Variants in ENOX1 observed in about 807,000 individuals in gnomAD.
ENOX1 encodes the protein candidate growth-related and time keeping constitutive hydroquinone (NADH) oxidase.
Under a neutral mutation model 82.5 loss-of-function variants are expected in ENOX1, and 42 were observed. The observed-to-expected ratio is 0.51, with a 90% CI of 0.40 to 0.66. The LOEUF (loss-of-function observed/expected upper bound fraction) is 0.66. ENOX1 is among the 30% of genes least tolerant of loss of function. The pLI is 0.00. For missense variants in ENOX1, 608 were observed against 811.6 expected, an observed-to-expected ratio of 0.75 and a Z score of 3.05; for synonymous variants, 271 against 282.2, an observed-to-expected ratio of 0.96 and a Z score of 0.40.
intron 3 of ENOX1, among the ~76,000 whole-genome samples, chr13:43,437,220 C>T (rs2056083955): frequency 6.6e-6 from 1 of 152,124 alleles, no homozygotes; most frequent in Non-Finnish European, 1.5e-5. Context: ...TGTGAATCCA[C>T]CCCTGCAAGC....
intron 3 of ENOX1, among the ~76,000 whole-genome samples, chr13:43,470,892 A>G (rs1319158538): frequency 1.3e-5 from 2 of 152,178 alleles, no homozygotes; most frequent in Non-Finnish European, 2.9e-5. Flanking sequence ...GAGGATGTAG[A>G]ACACTAAAAC....
intron 1 of ENOX1, among the ~76,000 whole-genome samples, chr13:43,676,662 T>G (rs1211317515): frequency 1.3e-5 from 2 of 152,104 alleles, no homozygotes; most frequent in East Asian, 3.9e-4. Flanking sequence ...ACAGTCCCAC[T>G]AAGGAACAAC....
chr13:43,428,151 A>G (rs2055435561), intron 3 of ENOX1, among the ~76,000 whole-genome samples: 2 of 152,230 alleles, frequency 1.3e-5, no homozygotes, highest in Admixed American at 1.3e-4. Context: ...AAGTGAAAGA[A>G]TCTGGGCAAA....
chr13:43,604,949 G>C (rs1439112186), intron 2 of ENOX1, among the ~76,000 whole-genome samples: 4 of 152,156 alleles, frequency 2.6e-5, no homozygotes, highest in Admixed American at 1.3e-4. Context: ...ATGATCAGTA[G>C]TGTTTCTATA....
chr13:43,535,334 C>A (rs951878610), intron 2 of ENOX1, among the ~76,000 whole-genome samples: 2 of 152,156 alleles, frequency 1.3e-5, no homozygotes, highest in Admixed American at 6.6e-5. Context: ...CACAGAAACA[C>A]CTAGCTGAGC....
chr13:43,256,615 A>G (rs896844949), intron 14 of ENOX1, among the ~76,000 whole-genome samples: 1 of 152,230 alleles, frequency 6.6e-6, no homozygotes, highest in East Asian at 1.9e-4. Flanking sequence ...GTGAGATGTC[A>G]TCTCACCTCA....
chr13:43,566,403 T>C (rs1029586682), intron 2 of ENOX1, among the ~76,000 whole-genome samples: 2 of 152,072 alleles, frequency 1.3e-5, no homozygotes, highest in Non-Finnish European at 2.9e-5. Flanking sequence ...CATCAATGCA[T>C]AGATCAATGA....
At chr13:43,656,175 T>C (rs566740510) in intron 2 of ENOX1, among the ~76,000 whole-genome samples, 3 of 152,344 alleles carry the variant, frequency 2.0e-5, no homozygotes, top group Non-Finnish European at 2.9e-5. Flanking sequence ...CATATAGTTA[T>C]GGATATATTT....
At chr13:43,428,774 AG>A (rs1264686305) in intron 3 of ENOX1, among the ~76,000 whole-genome samples, 1 of 152,214 alleles carries the variant, frequency 6.6e-6, no homozygotes, top group Non-Finnish European at 1.5e-5. Flanking sequence ...TAGGAGCTAC[AG>A]AAACTAGGGT....
intron 12 of ENOX1, among the ~76,000 whole-genome samples, chr13:43,270,954 A>G (rs2044643202): frequency 6.6e-6 from 1 of 152,180 alleles, no homozygotes; most frequent in African/African-American, 2.4e-5. Flanking sequence ...GCACTTTGGC[A>G]CAGTGACAAG....
intron 2 of ENOX1, among the ~76,000 whole-genome samples, chr13:43,559,408 C>G (rs1375598706): frequency 6.6e-6 from 1 of 152,122 alleles, no homozygotes. Context: ...CATGTACAAC[C>G]TTAATTTTCT....
In ENOX1 at chr13:43,362,193, G is replaced by A. The variant is rs560562770; in HGVS notation, c.209-741C>T. On this transcript the variant is annotated intron_variant, in intron 5 of 16. Coordinates refer to ENST00000690772, the MANE Select transcript of ENOX1 (RefSeq NM_001347969.2). ...CACACACACACACACACACACACTT[G>A]AAAATAGAAAGTGTGCAAAACAAAT... Among the ~76,000 whole-genome samples the A allele has an allele frequency of 3.0e-3, 399 of 133,476 alleles. 1 individual carries two copies. Among genetic ancestry groups the A allele is most frequent in the African/African-American group, 0.012 (381 of 31,986 alleles). The allele number at this position is 133,476 out of a possible 152,430, so 87.6% of individuals were successfully genotyped here. A position where few individuals can be genotyped will look rare whatever the true frequency, so the allele number is the denominator to read the frequency against.
chr13:43,681,210 G>A (rs2085766324), intron 1 of ENOX1, among the ~76,000 whole-genome samples: 1 of 152,140 alleles, frequency 6.6e-6, no homozygotes, highest in South Asian at 2.1e-4. Context: ...TATAGAATAT[G>A]AGGAGAGACT....
chr13:43,573,480 C>A (rs752287285), intron 2 of ENOX1, among the ~76,000 whole-genome samples: 5 of 152,162 alleles, frequency 3.3e-5, no homozygotes, highest in Admixed American at 6.5e-5. Flanking sequence ...GACTCACTAC[C>A]ATACGTGCAT....
intron 2 of ENOX1, among the ~76,000 whole-genome samples, chr13:43,509,611 A>G (rs2077293095): frequency 6.6e-6 from 1 of 152,104 alleles, no homozygotes; most frequent in Non-Finnish European, 1.5e-5. Context: ...TAGATTTGGA[A>G]AATGTGAAAA....
intron 2 of ENOX1, among the ~76,000 whole-genome samples, chr13:43,658,953 T>C (rs1443004903): frequency 6.6e-6 from 1 of 152,214 alleles, no homozygotes; most frequent in African/African-American, 2.4e-5. Context: ...AATTATTCCT[T>C]TGATGGTTTT....
At chr13:43,530,782 G>C (rs1014414099) in intron 2 of ENOX1, among the ~76,000 whole-genome samples, 1 of 152,022 alleles carries the variant, frequency 6.6e-6, no homozygotes, top group African/African-American at 2.4e-5. Context: ...GTATTAATGT[G>C]ATTACATTTA....
chr13:43,453,403 C>T (rs2057069123), intron 3 of ENOX1, among the ~76,000 whole-genome samples: 1 of 152,146 alleles, frequency 6.6e-6, no homozygotes, highest in South Asian at 2.1e-4. Flanking sequence ...AAACAAAAAG[C>T]CATACATTCT....
chr13:43,250,890 G>A (rs2153470089), intron 14 of ENOX1, among the ~76,000 whole-genome samples: 1 of 152,306 alleles, frequency 6.6e-6, no homozygotes, highest in East Asian at 1.9e-4. Flanking sequence ...AGGGTGCTGG[G>A]GAAGCCCAGA....
Sources: allele counts gnomAD v4.1 joint callset (sites outside exome capture counted in the v4.1 genomes callset), GRCh38; gene constraint gnomAD v4.1.1; transcripts MANE v1.5; gene names NCBI Gene and HGNC (gene_info 2026-07-23, HGNC 2026-07-21).